The following ARHGAP45 variants were observed in gnomAD, a reference collection of about 807,000 sequenced individuals.
The protein encoded by ARHGAP45 is rho GTPase-activating protein 45.
In ARHGAP45, 56 loss-of-function variants were observed where a neutral mutation model predicts 116.1. The ratio of observed to expected loss-of-function variants is 0.48; its 90% CI spans 0.39 to 0.60. The LOEUF is 0.60. Ranked by LOEUF, ARHGAP45 falls within the 20% of genes least tolerant of loss-of-function variation. ARHGAP45 has a pLI of 0.00. For missense variants in ARHGAP45, 1,622 were observed against 1,601.0 expected, an observed-to-expected ratio of 1.01 and a Z score of -0.22; for synonymous variants, 866 against 701.7, an observed-to-expected ratio of 1.23 and a Z score of -3.70.
Position 1,080,817 on chromosome 19 carries a change from A to G in ARHGAP45, c.2017+31A>G, listed in dbSNP as rs769433853. ...GGTCCCCTGACGGGGCTGGAGAGAGAGGGGGGTTTGGACACAGTCCATGGG... is the reference window on the plus strand; with the variant it reads ...GGTCCCCTGACGGGGCTGGAGAGAGGGGGGGGTTTGGACACAGTCCATGGG... On this transcript the variant is annotated intron_variant, in intron 16 of 22. Transcript: ENST00000313093. 44 of 1,611,200 alleles carry G rather than the reference A, an allele frequency of 2.7e-5. 1 individual carries two copies. Among genetic ancestry groups the G allele is most frequent in the Middle Eastern group, 1.6e-4 (1 of 6,074 alleles).
chr19:1,076,263 C>T (rs1027606819), intron 10 of ARHGAP45, among the ~76,000 whole-genome samples: 2 of 152,128 alleles, frequency 1.3e-5, no homozygotes, highest in African/African-American at 4.8e-5. Flanking sequence ...TGTGAACCCT[C>T]AGTTCTTAAC....
Position 1,085,666 on chromosome 19 carries a change from G to A in ARHGAP45, c.3071G>A (p.Arg1024Gln), listed in dbSNP as rs200007611. The change falls in exon 23 of 23, where the codon CGA (arginine) becomes CAA (glutamine). Residue 1024 changes from arginine to glutamine, a missense_variant. Physicochemically the swap from Arg to Gln is conservative, Grantham distance 43 (BLOSUM62 1). Transcript: ENST00000313093. ...EAAADGCRESRVVSNDSDSDL... is the reference protein window; with the variant it reads ...EAAADGCRESQVVSNDSDSDL... ...ATCTGTCTCCCTTTCTTAGAATCCC[G>A]AGTTGTGTCCAACGATTCGGACTCG... The A allele has an allele frequency of 8.2e-5, 128 of 1,558,280 alleles. 1 individual carries two copies. The East Asian group carries it at 1.9e-3, about 23-fold the overall frequency.
In ARHGAP45 at chr19:1,069,567, C is replaced by T. The variant is rs1052015512; in HGVS notation, c.421+823C>T. Among the ~76,000 whole-genome samples the T allele has an allele frequency of 6.6e-6, 1 of 152,138 alleles. No individual in the cohort carries two copies. Among genetic ancestry groups the T allele is most frequent in the African/African-American group, 2.4e-5 (1 of 41,424 alleles). ...CAGCCAGGGCAGGGCAGAGCCAGGACTGGACCTCAAGTGGTGGAGTGGCCT... is the reference window on the plus strand; with the variant it reads ...CAGCCAGGGCAGGGCAGAGCCAGGATTGGACCTCAAGTGGTGGAGTGGCCT... On this transcript the variant is annotated intron_variant, in intron 2 of 22. Transcript: ENST00000313093. The surrounding 1 kb of genome is among the most constrained non-coding windows in gnomAD (Gnocchi z 4.1).
chr19:1,066,191 A>C, upstream of ARHGAP45: 1 of 1,527,730 alleles, frequency 6.5e-7, no homozygotes, highest in South Asian at 1.2e-5. Flanking sequence ...TTGGGAAAGG[A>C]AAGAGGTTGG....
rs1801284 is a variant in ARHGAP45, at chr19:1,068,739, G to A, written c.416G>A (p.Arg139His). The change falls in exon 2 of 23, where the codon CGT becomes CAT. Residue 139 changes from arginine (R) to histidine (H), a missense_variant. Arg to His is a conservative substitution (Grantham distance 29). Coordinates refer to ENST00000313093, the MANE Select transcript of ARHGAP45 (RefSeq NM_012292.5). This position sits in a 1 kb window ranked among gnomAD's most constrained non-coding sequence, Gnocchi z 7.5. ...GAGAAACTTAAGGAGTGTGTGTTGC[G>A]TGACGGTGAGAGCCACGGGGACACC... is the stretch of plus-strand genomic sequence containing the variant. ...GLEKLKECVL[R>H]DDLLEARRPR... is the part of the protein sequence containing the mutation. 0.37 allele frequency: 598,149 copies of A among 1,609,774 alleles called. 113,028 individuals are homozygous for A. The highest frequency in any genetic ancestry group is 0.52 in the African/African-American group (38,854 of 74,686).
At chr19:1,084,479 C>T (rs2043542088) in intron 22 of ARHGAP45, 133 bp downstream of exon 22, 3 of 646,910 alleles carry the variant, frequency 4.6e-6, no homozygotes, top group South Asian at 1.9e-5. Flanking sequence ...TCGTCTGCCA[C>T]GGAGACCACA....
intron 17 of ARHGAP45, chr19:1,081,311 A>T (rs1415927993): frequency 1.6e-6 from 1 of 637,776 alleles, no homozygotes; most frequent in Admixed American, 3.0e-5. Flanking sequence ...TGGCCAGAAG[A>T]CCTGGAGGGC....
Position 1,071,038 on chromosome 19 carries a change from T to C in ARHGAP45, c.422-2111T>C, listed in dbSNP as rs933579615. On this transcript the variant is annotated intron_variant, in intron 2 of 22. Coordinates refer to ENST00000313093, the MANE Select transcript of ARHGAP45 (RefSeq NM_012292.5). The surrounding 1 kb of genome is among the most constrained non-coding windows in gnomAD (Gnocchi z 4.6). Reference sequence around the variant, plus strand: ...CACATGGACGGTGCCACCCCGACACTTCCCGGGCTTCCTCGTTCCCGGGCT... The same window carrying C: ...CACATGGACGGTGCCACCCCGACACCTCCCGGGCTTCCTCGTTCCCGGGCT... 5.3e-5 allele frequency among the ~76,000 whole-genome samples: 8 copies of C among 152,148 alleles called. No individual in the cohort carries two copies. The highest frequency in any genetic ancestry group is 1.9e-4 in the African/African-American group (8 of 41,442).
At chr19:1,072,519 T>C (rs1446457867) in intron 2 of ARHGAP45, among the ~76,000 whole-genome samples, 2 of 152,178 alleles carry the variant, frequency 1.3e-5, no homozygotes, top group Non-Finnish European at 2.9e-5. Flanking sequence ...CCTCCCAAAG[T>C]GCTGGGGTCA....
chr19:1,080,153 A>G, intron 13 of ARHGAP45, 35 bp downstream of exon 13: 1 of 1,610,882 alleles, frequency 6.2e-7, no homozygotes, highest in South Asian at 1.1e-5. Flanking sequence ...CCCGGCGCAC[A>G]AGGCCCTGCC....
intron 17 of ARHGAP45, 67 bp from the exon 18 acceptor site, chr19:1,081,483 G>A: frequency 5.0e-6 from 7 of 1,402,592 alleles, no homozygotes; most frequent in South Asian, 4.6e-5. Context: ...AGGTGGGGTG[G>A]AGCCGCTGGG....
Position 1,079,910 on chromosome 19 carries a change from C to T in ARHGAP45, c.1513-18C>T. 6.2e-7 allele frequency: 1 copy of T among 1,601,624 alleles called. No homozygotes were observed. The highest frequency in any genetic ancestry group is 8.5e-7 in the Non-Finnish European group (1 of 1,170,898). The stretch of plus-strand genomic sequence containing the variant: ...GCGGCCTCCTCCTGACCCCTCCGCT[C>T]TCCGGTGCCGCCCGCAGGCCACGAT... On this transcript the variant is annotated intron_variant, in intron 12 of 22. Transcript: ENST00000313093.
At chr19:1,066,834 G>GGA (rs2043040292), upstream of ARHGAP45, among the ~76,000 whole-genome samples, 2 of 26,822 alleles carry the variant, frequency 7.5e-5, no homozygotes, top group Admixed American at 3.4e-4. Flanking sequence ...GCGGTGGAGC[G>GGA]GGCTTGCCTT....
chr19:1,074,956 A>G (rs1167500854), intron 10 of ARHGAP45, 77 bp downstream of exon 10: 34 of 1,281,326 alleles, frequency 2.7e-5, no homozygotes, highest in Non-Finnish European at 3.5e-5. Flanking sequence ...CCAGCCCCAT[A>G]GCGAGGGCCC....
intron 5 of ARHGAP45, 58 bp from the exon 6 acceptor site, chr19:1,073,890 G>T: frequency 6.5e-7 from 1 of 1,529,280 alleles, no homozygotes; most frequent in Non-Finnish European, 8.8e-7. Flanking sequence ...CCCCTGAAGG[G>T]TGGGCACTGC....
chr19:1,081,693 C>G lies in ARHGAP45; in HGVS notation c.2334C>G (p.Val778=), dbSNP rs1568478771. The G allele has an allele frequency of 1.3e-6, 2 of 1,589,924 alleles. No homozygotes were observed. Among genetic ancestry groups the G allele is most frequent in the East Asian group, 4.6e-5 (2 of 43,844 alleles). The change falls in exon 18 of 23, where the codon GTC becomes GTG. Residue 778 remains valine, a synonymous_variant. Transcript: ENST00000313093. ...RSAPDGVPFI[V]KKCVCEIERR... ...CCCCCGACGGCGTGCCCTTCATCGT[C>G]AAGAAGTGCGTCTGCGAGATCGAGC...
In ARHGAP45 at chr19:1,085,885, T is replaced by G. The variant is rs2043621880; in HGVS notation, c.3290T>G (p.Leu1097Arg). ...GACGAGGACGGCCCGGCCCAGCAGCTCTCAGGATTCAACACCAACCAGTCC... is the reference window on the plus strand; with the variant it reads ...GACGAGGACGGCCCGGCCCAGCAGCGCTCAGGATTCAACACCAACCAGTCC... ...DGDEDGPAQQ[L>R]SGFNTNQSNN... Residue 1097 changes from leucine (L) to arginine (R), a missense_variant, in exon 23 of 23, where the codon CTC (leucine) becomes CGC (arginine). This residue lies in a region of ARHGAP45 where 1,334 missense variants were observed against 1,263.8 expected (regional missense o/e 1.06). Transcript: ENST00000313093. The G allele has an allele frequency of 1.3e-5, 21 of 1,612,550 alleles. No individual in the cohort carries two copies. Among genetic ancestry groups the G allele is most frequent in the Non-Finnish European group, 1.7e-5 (20 of 1,179,902 alleles).
In ARHGAP45 at chr19:1,086,244, G is replaced by T; in HGVS notation, c.*238G>T. 3.7e-6 allele frequency: 2 copies of T among 534,434 alleles called. No individual in the cohort carries two copies. Among genetic ancestry groups the T allele is most frequent in the South Asian group, 2.3e-5 (1 of 44,160 alleles). 33.1% of individuals were successfully genotyped at this position (534,434 alleles called of 1,614,324 possible). On this transcript the variant is annotated 3_prime_UTR_variant, in exon 23 of 23. Coordinates refer to ENST00000313093, the MANE Select transcript of ARHGAP45 (RefSeq NM_012292.5). ...CCTGCACCCCGGCTCAGCTGAGCTG[G>T]GGAACACTGCTGTCGTGTGAAGTCA...
rs969999006 is a variant in ARHGAP45, at chr19:1,069,398, C to T, written c.421+654C>T. ...TGTCCCTGGCAGCCCAGGCGGGCAC[C>T]TCATGTGCTGCCTTCAGCCCCCGGC... On this transcript the variant is annotated intron_variant, in intron 2 of 22. Coordinates refer to ENST00000313093, the MANE Select transcript of ARHGAP45 (RefSeq NM_012292.5). The surrounding 1 kb of genome is among the most constrained non-coding windows in gnomAD (Gnocchi z 4.1). 6.6e-6 allele frequency among the ~76,000 whole-genome samples: 1 copy of T among 152,246 alleles called. No homozygotes were observed. Among genetic ancestry groups the T allele is most frequent in the Non-Finnish European group, 1.5e-5 (1 of 68,040 alleles).
Sources: allele counts gnomAD v4.1 joint callset (sites outside exome capture counted in the v4.1 genomes callset), GRCh38; gene constraint gnomAD v4.1.1; regional missense constraint gnomAD v4.1.1; non-coding constraint Gnocchi (gnomAD v3.1); transcripts MANE v1.5; gene names NCBI Gene and HGNC (gene_info 2026-07-23, HGNC 2026-07-21).